PYGL: variants seen among roughly 807,000 people sequenced by gnomAD.
PYGL encodes glycogen phosphorylase, liver form.
A neutral mutation model predicts 100.1 loss-of-function variants in PYGL; 90 were observed. That is an observed-to-expected ratio of 0.90 (90% CI 0.76 to 1.07). The LOEUF is 1.07. Ranked by LOEUF, PYGL falls within the 50% of genes least tolerant of loss-of-function variation. The pLI is 0.00. For synonymous variants in PYGL, 373 were observed against 393.0 expected (o/e 0.95, Z 0.60); for missense variants, 1,016 against 1,057.6 (o/e 0.96, Z 0.55).
At chr14:50,908,116 G>A in intron 19 of PYGL, 155 bp downstream of exon 19, 2 of 512,336 alleles carry the variant, frequency 3.9e-6, no homozygotes, top group Non-Finnish European at 6.7e-6. Flanking sequence ...TTTTTTTGTT[G>A]TGGTTGTTTG....
At chr14:50,933,441 G>C (rs565052533) in intron 3 of PYGL, among the ~76,000 whole-genome samples, 4 of 152,286 alleles carry the variant, frequency 2.6e-5, no homozygotes, top group African/African-American at 9.6e-5. Flanking sequence ...CTAGTAACTT[G>C]GGTGTATGCA....
At chr14:50,918,188 T>C (rs1367428893) in intron 7 of PYGL, among the ~76,000 whole-genome samples, 1 of 151,326 alleles carries the variant, frequency 6.6e-6, no homozygotes, top group African/African-American at 2.4e-5. Context: ...ACAATAGGTG[T>C]TGGCATGGAT....
At chr14:50,911,588 TACC>T in intron 16 of PYGL, 139 bp downstream of exon 16, 2 of 1,092,878 alleles carry the variant, frequency 1.8e-6, no homozygotes, top group Non-Finnish European at 2.7e-6. Context: ...TAAAACCTCT[TACC>T]GTAGGCCCTT....
intron 3 of PYGL, among the ~76,000 whole-genome samples, chr14:50,933,960 C>G (rs1205212096): frequency 1.9e-4 from 29 of 152,150 alleles, no homozygotes; most frequent in Admixed American, 1.8e-3. Flanking sequence ...GAAAGTACAT[C>G]TAGGTCAATT....
chr14:50,908,139 GTTT>G lies in PYGL; in HGVS notation c.2379+129_2379+131del, dbSNP rs370516973. 4,078 of 503,634 alleles carry G rather than the reference GTTT, an allele frequency of 8.1e-3. 127 individuals are homozygous for G. Among genetic ancestry groups the G allele is most frequent in the African/African-American group, 0.073 (3,382 of 46,426 alleles). The allele number at this position is 503,634 out of a possible 1,614,324, so 31.2% of individuals were successfully genotyped here. On this transcript the variant is annotated intron_variant, in intron 19 of 19. Coordinates refer to ENST00000216392, the MANE Select transcript of PYGL (RefSeq NM_002863.5). ...TTGTGGTTGTTTGTTTGTTTTTGTT[GTTT>G]TTTTTTTGATTGCTTAATGGGGATC...
chr14:50,914,897 T>G lies in PYGL; in HGVS notation c.1404-82A>C. The G allele has an allele frequency of 3.7e-6, 4 of 1,066,688 alleles. No individual in the cohort carries two copies. In the Admixed American group the frequency reaches 5.2e-5, roughly 14 times the overall value. The allele number at this position is 1,066,688 out of a possible 1,614,324, so 66.1% of individuals were successfully genotyped here. A position where few individuals can be genotyped will look rare whatever the true frequency, so the allele number is the denominator to read the frequency against. The stretch of plus-strand genomic sequence containing the variant: ...CACTGGACAAAGTTCGGAGTTATAT[T>G]CAAGAAGCCAAGTGCAGGCTTAGAA... On this transcript the variant is annotated intron_variant, in intron 11 of 19. Coordinates refer to ENST00000216392, the MANE Select transcript of PYGL (RefSeq NM_002863.5).
chr14:50,935,166 T>G lies in PYGL; in HGVS notation c.365A>C (p.Glu122Ala). 6.2e-7 allele frequency: 1 copy of G among 1,612,316 alleles called. No individual in the cohort carries two copies. The highest frequency in any genetic ancestry group is 1.7e-4 in the Middle Eastern group (1 of 6,058). Residue 122 changes from glutamate to alanine, a missense_variant, in exon 3 of 20, where the codon GAG becomes GCG. Transcript: ENST00000216392. ...AGCATCTTCTTCAATTTCTTCTAAC[T>G]CTTCTATATCCAATCCAAGCTGGTA... ...AIYQLGLDIEELEEIEEDAGL... is the reference protein window; with the variant it reads ...AIYQLGLDIEALEEIEEDAGL...
At chr14:50,916,071 T>C (rs962251894) in intron 9 of PYGL, 100 bp from the exon 10 acceptor site, 5 of 1,501,468 alleles carry the variant, frequency 3.3e-6, no homozygotes, top group Non-Finnish European at 4.6e-6. Context: ...AACAGGACCA[T>C]TCCAAGTGTG....
chr14:50,930,921 C>T (rs1471262699), intron 4 of PYGL, among the ~76,000 whole-genome samples: 1 of 150,416 alleles, frequency 6.6e-6, no homozygotes, highest in East Asian at 1.9e-4. Flanking sequence ...CAAACAGTTA[C>T]CAGAGATAAA....
intron 8 of PYGL, 45 bp from the exon 9 acceptor site, chr14:50,916,779 G>C: frequency 1.3e-6 from 2 of 1,583,872 alleles, no homozygotes; most frequent in Non-Finnish European, 1.7e-6. Flanking sequence ...GATGGCTCAG[G>C]GTCTGGCTTC....
intron 1 of PYGL, among the ~76,000 whole-genome samples, chr14:50,942,589 A>G (rs1310547742): frequency 7.1e-6 from 1 of 140,146 alleles, no homozygotes; most frequent in African/African-American, 2.5e-5. Context: ...TGGGAGGCCA[A>G]GGAAGGAGGA....
intron 1 of PYGL, among the ~76,000 whole-genome samples, chr14:50,939,419 A>G (rs903384609): frequency 3.3e-5 from 5 of 152,178 alleles, no homozygotes; most frequent in African/African-American, 1.2e-4. Flanking sequence ...CCTAAGGTTT[A>G]TTGGTGTTTG....
At chr14:50,909,804 G>T in intron 17 of PYGL, 91 bp downstream of exon 17, 1 of 1,405,850 alleles carries the variant, frequency 7.1e-7, no homozygotes, top group Non-Finnish European at 1.0e-6. Context: ...ATTTCAGTGG[G>T]ATATCGGTGT....
chr14:50,928,401 T>C (rs1040057206), intron 4 of PYGL, among the ~76,000 whole-genome samples: 1 of 152,142 alleles, frequency 6.6e-6, no homozygotes, highest in Non-Finnish European at 1.5e-5. Context: ...GACTGGCTAT[T>C]ACGAACTTGG....
Position 50,905,478 on chromosome 14 carries a change from C to T in PYGL, c.2458G>A (p.Glu820Lys), listed in dbSNP as rs1284467219. 6.2e-7 allele frequency: 1 copy of T among 1,613,870 alleles called. No individual in the cohort carries two copies. Among genetic ancestry groups the T allele is most frequent in the Non-Finnish European group, 8.5e-7 (1 of 1,179,782 alleles). Reference sequence around the variant, plus strand: ...ACGTTCCAGATGTTTTGGGCATATTCTTTAATTGTTCGGTCACTGGAGAAT... The same window carrying T: ...ACGTTCCAGATGTTTTGGGCATATTTTTTAATTGTTCGGTCACTGGAGAAT... ...GKFSSDRTIKEYAQNIWNVEP... is the reference protein window; with the variant it reads ...GKFSSDRTIKKYAQNIWNVEP... Residue 820 changes from glutamate to lysine, a missense_variant, in exon 20 of 20, where the codon GAA becomes AAA. Coordinates refer to ENST00000216392, the MANE Select transcript of PYGL (RefSeq NM_002863.5).
At chr14:50,921,482 C>T in intron 5 of PYGL, 1 of 166,260 alleles carries the variant, frequency 6.0e-6, no homozygotes, top group South Asian at 1.5e-4. Context: ...CAAGTTCACA[C>T]CATTCTCCTG....
At chr14:50,930,264 C>T (rs941016635) in intron 4 of PYGL, among the ~76,000 whole-genome samples, 2 of 152,074 alleles carry the variant, frequency 1.3e-5, no homozygotes, top group Admixed American at 6.5e-5. Context: ...AGATATTTTA[C>T]ATGTTTTTAT....
Position 50,912,143 on chromosome 14 carries a change from AG to A in PYGL, c.1768+12del, listed in dbSNP as rs2050405070. On this transcript the variant is annotated intron_variant, in intron 14 of 19. Transcript: ENST00000216392. ...ACCTGCAAGGGGGCTTGTTGGCTAC[AG>A]GGCTGACTCACGGTTGTACATCGTG... The A allele has an allele frequency of 8.1e-6, 13 of 1,614,258 alleles. No homozygotes were observed. The highest frequency in any genetic ancestry group is 1.0e-5 in the Non-Finnish European group (12 of 1,180,050).
chr14:50,939,861 T>C (rs189577118), intron 1 of PYGL, among the ~76,000 whole-genome samples: 1 of 152,360 alleles, frequency 6.6e-6, no homozygotes, highest in Non-Finnish European at 1.5e-5. Context: ...TACACATAAA[T>C]ATTTAAAACA....
Sources: gnomAD v4.1 joint callset for allele counts (sites outside exome capture counted in the v4.1 genomes callset) on GRCh38, gnomAD v4.1.1 for gene constraint, MANE v1.5 for transcripts, NCBI Gene and HGNC (gene_info 2026-07-23, HGNC 2026-07-21) for gene names.